The following ARHGAP24 variants were observed in gnomAD, a reference collection of about 807,000 sequenced individuals.
ARHGAP24 encodes Rho GTPase activating protein 24.
ARHGAP24 carries 50 observed loss-of-function variants against 76.4 expected under a neutral mutation model. The observed-to-expected ratio is 0.65, with a 90% CI of 0.52 to 0.83. The LOEUF (loss-of-function observed/expected upper bound fraction) is 0.83, where lower values mean the gene tolerates loss of function less well. Among genes scored for constraint, ARHGAP24 ranks in the 40% least tolerant of loss-of-function variants. ARHGAP24 has a pLI of 0.00. For synonymous variants in ARHGAP24, 345 were observed against 323.3 expected (o/e 1.07, Z -0.72); for missense variants, 930 against 914.2 (o/e 1.02, Z -0.22).
intron 8 of ARHGAP24, among the ~76,000 whole-genome samples, chr4:85,980,583 C>A (rs1739598974): frequency 6.6e-6 from 1 of 152,124 alleles, no homozygotes; most frequent in Admixed American, 6.5e-5. Context: ...ATACTATATG[C>A]TTTCAGAATA....
intron 3 of ARHGAP24, among the ~76,000 whole-genome samples, chr4:85,799,981 G>A (rs1305518327): frequency 2.0e-5 from 3 of 152,150 alleles, no homozygotes; most frequent in African/African-American, 7.2e-5. Context: ...GACAGGAATT[G>A]TCACAGATTG....
intron 2 of ARHGAP24, among the ~76,000 whole-genome samples, chr4:85,716,304 T>G (rs544383027): frequency 1.3e-5 from 2 of 152,140 alleles, no homozygotes; most frequent in African/African-American, 2.4e-5. Flanking sequence ...AAACTACTAG[T>G]GTGGTTACAA....
intron 2 of ARHGAP24, among the ~76,000 whole-genome samples, chr4:85,685,729 T>G (rs947755214): frequency 5.9e-5 from 9 of 152,180 alleles, no homozygotes; most frequent in African/African-American, 1.9e-4. Context: ...ATATTTTAGG[T>G]TTTTGTTACA....
chr4:85,703,530 G>A (rs529232801), intron 2 of ARHGAP24, among the ~76,000 whole-genome samples: 1 of 152,168 alleles, frequency 6.6e-6, no homozygotes, highest in South Asian at 2.1e-4. Flanking sequence ...CATCATGAGG[G>A]TAGTGCCCTC....
chr4:85,647,721 A>T (rs116466296), intron 2 of ARHGAP24, among the ~76,000 whole-genome samples: 301 of 152,236 alleles, frequency 2.0e-3, no homozygotes, highest in African/African-American at 6.9e-3. Context: ...AGCACTGAGT[A>T]CTCAAATGTC....
intron 1 of ARHGAP24, among the ~76,000 whole-genome samples, chr4:85,478,833 G>A (rs1048311159): frequency 6.6e-6 from 1 of 152,084 alleles, no homozygotes. Flanking sequence ...ACCCAATTCC[G>A]TGAAGAATTA....
chr4:85,967,770 T>C (rs1290701496), intron 5 of ARHGAP24, among the ~76,000 whole-genome samples: 1 of 152,128 alleles, frequency 6.6e-6, no homozygotes, highest in Non-Finnish European at 1.5e-5. Flanking sequence ...CGTTAGCAAA[T>C]AGTTTTGAAC....
At position 85,589,700 on chromosome 4, in the gene ARHGAP24, C is replaced by T. The variant is rs554210639; in HGVS notation, c.180+18979C>T. 2.0e-5 allele frequency among the ~76,000 whole-genome samples: 3 copies of T among 152,288 alleles called. No individual in the cohort carries two copies. In the East Asian group the frequency reaches 5.8e-4, roughly 29 times the overall value. ...CTTTCTTTTGAAACTAATAATTCCTCTTGGGATATAGCTAGAGAGATCTCT... is the reference window on the plus strand; with the variant it reads ...CTTTCTTTTGAAACTAATAATTCCTTTTGGGATATAGCTAGAGAGATCTCT... On this transcript the variant is annotated intron_variant, in intron 2 of 9. Coordinates refer to ENST00000395184, the MANE Select transcript of ARHGAP24 (RefSeq NM_001025616.3).
chr4:85,599,673 T>TA (rs200179264), intron 2 of ARHGAP24, among the ~76,000 whole-genome samples: 6 of 14,216 alleles, frequency 4.2e-4, no homozygotes, highest in African/African-American at 1.4e-3. Flanking sequence ...ATTAAATTAT[T>TA]TTTTTTTTGT....
At chr4:85,910,914 C>T (rs1353779805) in intron 3 of ARHGAP24, among the ~76,000 whole-genome samples, 1 of 152,204 alleles carries the variant, frequency 6.6e-6, no homozygotes, top group Admixed American at 6.5e-5. Flanking sequence ...CACCCCCTCC[C>T]ATCCAGGAAT....
chr4:85,946,605 G>C (rs1369058427), intron 5 of ARHGAP24, among the ~76,000 whole-genome samples: 2 of 152,104 alleles, frequency 1.3e-5, no homozygotes, highest in Non-Finnish European at 2.9e-5. Context: ...TTCTTCGTTA[G>C]TTCACTTAGG....
intron 3 of ARHGAP24, among the ~76,000 whole-genome samples, chr4:85,735,616 C>T (rs1034849788): frequency 6.6e-6 from 1 of 152,110 alleles, no homozygotes; most frequent in African/African-American, 2.4e-5. Context: ...GTCACCATTA[C>T]TTGTTAGTCT....
chr4:85,885,164 A>T (rs1276071478), intron 3 of ARHGAP24, among the ~76,000 whole-genome samples: 1 of 152,112 alleles, frequency 6.6e-6, no homozygotes, highest in African/African-American at 2.4e-5. Flanking sequence ...TCTTTTTGGT[A>T]CATATTAGAT....
At chr4:85,687,374 A>C (rs942739990) in intron 2 of ARHGAP24, among the ~76,000 whole-genome samples, 2 of 152,146 alleles carry the variant, frequency 1.3e-5, no homozygotes, top group African/African-American at 4.8e-5. Flanking sequence ...CCTATCACCC[A>C]GGTAATAAGC....
intron 3 of ARHGAP24, among the ~76,000 whole-genome samples, chr4:85,817,495 A>T (rs770658708): frequency 2.6e-5 from 4 of 152,178 alleles, no homozygotes; most frequent in Non-Finnish European, 4.4e-5. Flanking sequence ...TTTTGTGCCC[A>T]TGATATCCTT....
At chr4:85,805,725 G>T (rs892847698) in intron 3 of ARHGAP24, among the ~76,000 whole-genome samples, 1 of 152,078 alleles carries the variant, frequency 6.6e-6, no homozygotes, top group Non-Finnish European at 1.5e-5. Context: ...TTGGCCTTTC[G>T]TTGATGCCCC....
At chr4:85,556,548 C>G (rs559646922) in intron 1 of ARHGAP24, among the ~76,000 whole-genome samples, 1 of 152,322 alleles carries the variant, frequency 6.6e-6, no homozygotes, top group Admixed American at 6.5e-5. Context: ...CAATGTCATA[C>G]ATGCTCTGGG....
intron 5 of ARHGAP24, among the ~76,000 whole-genome samples, chr4:85,970,312 T>C (rs920547678): frequency 6.6e-6 from 1 of 152,208 alleles, no homozygotes; most frequent in African/African-American, 2.4e-5. Context: ...TCCAACATCA[T>C]TTTCTCAGAG....
At chr4:85,510,295 C>G (rs1389955960) in intron 1 of ARHGAP24, among the ~76,000 whole-genome samples, 1 of 152,112 alleles carries the variant, frequency 6.6e-6, no homozygotes, top group Admixed American at 6.5e-5. Flanking sequence ...CATTCTGTGT[C>G]AGCTGGCACT....
Sources: allele counts gnomAD v4.1 joint callset (sites outside exome capture counted in the v4.1 genomes callset), GRCh38; gene constraint gnomAD v4.1.1; transcripts MANE v1.5; gene names NCBI Gene and HGNC (gene_info 2026-07-23, HGNC 2026-07-21).